ADAM12: variants seen among roughly 807,000 people sequenced by gnomAD.
ADAM12 encodes ADAM metallopeptidase domain 12.
A neutral mutation model predicts 106.4 loss-of-function variants in ADAM12; 70 were observed. The observed-to-expected ratio is 0.66, with a 90% CI of 0.54 to 0.80. The LOEUF (loss-of-function observed/expected upper bound fraction) is 0.80, where lower values mean the gene tolerates loss of function less well. ADAM12 is among the 30% of genes least tolerant of loss of function. The pLI is 0.00. For synonymous variants in ADAM12, 420 were observed against 433.5 expected, an observed-to-expected ratio of 0.97 and a Z score of 0.39; for missense variants, 1,010 against 1,171.9, an observed-to-expected ratio of 0.86 and a Z score of 2.02.
intron 21 of ADAM12, among the ~76,000 whole-genome samples, chr10:126,024,414 A>G (rs1953829066): frequency 6.6e-6 from 1 of 152,214 alleles, no homozygotes; most frequent in Admixed American, 6.5e-5. Flanking sequence ...TATTTTAAAT[A>G]TTTTAAAAAA....
At chr10:126,027,150 C>G (rs1437023404) in intron 21 of ADAM12, among the ~76,000 whole-genome samples, 1 of 151,876 alleles carries the variant, frequency 6.6e-6, no homozygotes, top group Non-Finnish European at 1.5e-5. Context: ...ATCTAGAGCA[C>G]ATACAGTCTC....
At chr10:126,330,902 A>G (rs1299709447) in intron 1 of ADAM12, among the ~76,000 whole-genome samples, 1 of 152,192 alleles carries the variant, frequency 6.6e-6, no homozygotes, top group African/African-American at 2.4e-5. Flanking sequence ...CTGTATTAAG[A>G]CTAAATCCAT....
rs907185120 is a variant in ADAM12 at position 126,088,522 on chromosome 10, G to A, written c.1145+5463C>T. On this transcript the variant is annotated intron_variant, in intron 11 of 22. Transcript: ENST00000448723. ...TCAAGACCAGCCTGTCCAACATGAT[G>A]AAACCCCATCTCTATTAAATATACC... 3.4e-5 allele frequency among the ~76,000 whole-genome samples: 5 copies of A among 145,334 alleles called. No homozygotes were observed. In the Admixed American group the frequency reaches 3.5e-4, roughly 10 times the overall value.
At chr10:126,063,627 TGAG>T (rs1954804809) in intron 14 of ADAM12, among the ~76,000 whole-genome samples, 1 of 152,164 alleles carries the variant, frequency 6.6e-6, no homozygotes, top group Non-Finnish European at 1.5e-5. Context: ...TGGCCTGGGC[TGAG>T]GTCATTTCTG....
intron 11 of ADAM12, 77 bp downstream of exon 11, chr10:126,093,908 A>G (rs1422144598): frequency 8.9e-6 from 14 of 1,573,510 alleles, no homozygotes; most frequent in Non-Finnish European, 1.2e-5. Context: ...AACCAGAGAC[A>G]CTTTGACTCA....
intron 1 of ADAM12, among the ~76,000 whole-genome samples, chr10:126,387,573 G>A (rs760284427): frequency 3.3e-5 from 5 of 152,164 alleles, no homozygotes; most frequent in Non-Finnish European, 5.9e-5. Context: ...CGGAGGAGGG[G>A]GCTGCCTCAC....
intron 3 of ADAM12, among the ~76,000 whole-genome samples, chr10:126,233,935 T>C (rs1693797502): frequency 6.6e-6 from 1 of 152,194 alleles, no homozygotes; most frequent in East Asian, 1.9e-4. Context: ...AGAGAAGAGA[T>C]TAAGGAACCG....
chr10:126,309,946 G>C (rs935668553), intron 2 of ADAM12, among the ~76,000 whole-genome samples: 1 of 151,952 alleles, frequency 6.6e-6, no homozygotes, highest in Non-Finnish European at 1.5e-5. Context: ...ATCACTTGAG[G>C]TCAGAAGTTC....
intron 2 of ADAM12, among the ~76,000 whole-genome samples, chr10:126,327,008 C>T (rs1217498990): frequency 6.6e-6 from 1 of 152,208 alleles, no homozygotes; most frequent in Non-Finnish European, 1.5e-5. Flanking sequence ...GCCCAAAGTG[C>T]TTTGAGACAA....
intron 17 of ADAM12, among the ~76,000 whole-genome samples, chr10:126,045,422 T>C (rs913295471): frequency 4.6e-5 from 7 of 152,178 alleles, no homozygotes; most frequent in Non-Finnish European, 7.3e-5. Flanking sequence ...CTACAAGTTT[T>C]AAAATAAAGA....
chr10:126,072,564 T>C (rs1285780633), intron 11 of ADAM12, among the ~76,000 whole-genome samples: 3 of 152,258 alleles, frequency 2.0e-5, no homozygotes, highest in African/African-American at 7.2e-5. Flanking sequence ...CCTAACTCAC[T>C]GTATGGAGGA....
At chr10:126,196,002 T>C (rs1013513079) in intron 3 of ADAM12, among the ~76,000 whole-genome samples, 5 of 152,216 alleles carry the variant, frequency 3.3e-5, no homozygotes, top group African/African-American at 1.2e-4. Context: ...GCCTGTTTCT[T>C]ATAAAGTTTT....
At position 126,043,645 on chromosome 10, in the gene ADAM12, C is replaced by G. The variant is rs960208908; in HGVS notation, c.1996-497G>C. 1.3e-5 allele frequency among the ~76,000 whole-genome samples: 2 copies of G among 152,170 alleles called. No homozygotes were observed. The highest frequency in any genetic ancestry group is 4.8e-5 in the African/African-American group (2 of 41,444). ...GCCGGGTCCCACGCCAGGCTGGGGT[C>G]CGAGGCAGGCCCCCCGTTTCCTGAG... On this transcript the variant is annotated intron_variant, in intron 17 of 22. Coordinates refer to ENST00000448723, the MANE Select transcript of ADAM12 (RefSeq NM_001288973.2). This position sits in a 1 kb window ranked among gnomAD's most constrained non-coding sequence, Gnocchi z 4.1.
intron 3 of ADAM12, among the ~76,000 whole-genome samples, chr10:126,168,768 G>A (rs1957068727): frequency 6.6e-6 from 1 of 151,494 alleles, no homozygotes; most frequent in African/African-American, 2.5e-5. Context: ...ATTCCTTAGC[G>A]CACGGCCAGG....
intron 3 of ADAM12, among the ~76,000 whole-genome samples, chr10:126,158,551 C>T (rs1956868123): frequency 8.8e-6 from 1 of 113,580 alleles, no homozygotes; most frequent in East Asian, 2.9e-4. Context: ...GGAGGATGCA[C>T]AGAGCATGGG....
At chr10:126,344,119 T>C (rs543653402) in intron 1 of ADAM12, among the ~76,000 whole-genome samples, 1 of 152,324 alleles carries the variant, frequency 6.6e-6, no homozygotes, top group South Asian at 2.1e-4. Context: ...TGAATGGTAT[T>C]GCCTAGGTTT....
intron 20 of ADAM12, 111 bp downstream of exon 20, chr10:126,038,130 A>G (rs1169318903): frequency 9.7e-7 from 1 of 1,027,266 alleles, no homozygotes; most frequent in African/African-American, 1.6e-5. Context: ...AGTGAGGCTG[A>G]CTCAGCATTT....
At chr10:126,258,435 G>A (rs936870861) in intron 3 of ADAM12, among the ~76,000 whole-genome samples, 2 of 151,910 alleles carry the variant, frequency 1.3e-5, no homozygotes, top group Non-Finnish European at 2.9e-5. Flanking sequence ...CAGTGTAATG[G>A]TCTCCCAGTG....
At chr10:126,038,192 C>A in intron 20 of ADAM12, 49 bp downstream of exon 20, 2 of 1,493,292 alleles carry the variant, frequency 1.3e-6, no homozygotes, top group Non-Finnish European at 9.2e-7. Context: ...TATTGAAAAC[C>A]TCATGTCTGC....
Sources: gnomAD v4.1 joint callset for allele counts (sites outside exome capture counted in the v4.1 genomes callset) on GRCh38, gnomAD v4.1.1 for gene constraint, Gnocchi (gnomAD v3.1) non-coding constraint, MANE v1.5 for transcripts, NCBI Gene and HGNC (gene_info 2026-07-23, HGNC 2026-07-21) for gene names.